The following POLK variants were observed in gnomAD, a reference collection of about 807,000 sequenced individuals.
POLK encodes the protein DNA polymerase kappa, also known as polymerase (DNA directed) kappa.
Under a neutral mutation model 94.0 loss-of-function variants are expected in POLK, and 76 were observed. The observed-to-expected ratio is 0.81, with a 90% CI of 0.67 to 0.98. The LOEUF is 0.98. Ranked by LOEUF, POLK falls within the 50% of genes least tolerant of loss-of-function variation. The pLI is 0.00. For synonymous variants in POLK, 349 were observed against 325.4 expected (o/e 1.07, Z -0.78); for missense variants, 954 against 1,010.1 (o/e 0.94, Z 0.75).
chr5:75,510,939 C>T (rs1429601847), upstream of POLK, among the ~76,000 whole-genome samples: 3 of 152,168 alleles, frequency 2.0e-5, no homozygotes, highest in African/African-American at 7.2e-5. Context: ...AGCCCCCGGG[C>T]AACAAGGACA....
At chr5:75,568,057 A>G (rs1771375127) in intron 3 of POLK, among the ~76,000 whole-genome samples, 2 of 152,236 alleles carry the variant, frequency 1.3e-5, no homozygotes, top group Admixed American at 6.5e-5. Context: ...CTGGAGTACA[A>G]CATGAGGGAA....
exon 11 of POLK, chr5:75,590,435 C>G: frequency 1.3e-6 from 2 of 1,586,494 alleles, no homozygotes; most frequent in Non-Finnish European, 1.7e-6. Context: ...GAAAGAAAGA[C>G]TTAAGGTGCT....
chr5:75,555,546 G>A (rs1403625471), intron 3 of POLK, among the ~76,000 whole-genome samples: 1 of 150,842 alleles, frequency 6.6e-6, no homozygotes, highest in East Asian at 1.9e-4. Context: ...GTGTACCACA[G>A]ACAATTTTTT....
Position 75,587,075 on chromosome 5 carries a change from T to G in POLK, c.1259+17T>G. On this transcript the variant is annotated intron_variant, in intron 10 of 14. Transcript: ENST00000241436. ...CGTTGAGAGGTAATGTTTTATTATTTATTGTTAATTGTGCATAATTCATGT... is the reference window on the plus strand; with the variant it reads ...CGTTGAGAGGTAATGTTTTATTATTGATTGTTAATTGTGCATAATTCATGT... 7.4e-7 allele frequency: 1 copy of G among 1,357,626 alleles called. No individual in the cohort carries two copies. Among genetic ancestry groups the G allele is most frequent in the Non-Finnish European group, 1.0e-6 (1 of 960,088 alleles). The allele number at this position is 1,357,626 out of a possible 1,614,324, so 84.1% of individuals were successfully genotyped here.
intron 1 of POLK, among the ~76,000 whole-genome samples, chr5:75,532,583 A>G (rs904287401): frequency 1.3e-5 from 2 of 152,160 alleles, no homozygotes; most frequent in South Asian, 2.1e-4. Context: ...AACGATGTAT[A>G]TTCCTTTGGA....
At chr5:75,569,340 G>A (rs1230101077) in exon 4 of POLK, 2 of 1,602,938 alleles carry the variant, frequency 1.2e-6, no homozygotes, top group Non-Finnish European at 1.7e-6. Flanking sequence ...AAAAATTAAG[G>A]TTGACAGATT....
At chr5:75,511,654 C>A, upstream of POLK, 1 of 1,512,604 alleles carries the variant, frequency 6.6e-7, no homozygotes, top group Non-Finnish European at 8.9e-7. Flanking sequence ...TGTCCTTTCC[C>A]CTCCCCTTCG....
rs746626050 is a variant in POLK, at chr5:75,594,047, TG to T, written c.1528+1del. On this transcript the variant is annotated frameshift_variant and splice_region_variant, in exon 12 of 15. Coordinates refer to ENST00000241436, the Ensembl canonical transcript of POLK. LOFTEE classifies it high-confidence loss of function. ...CCACATCCCTTGAGATTAAGGCTTA[TG>T]GGTATGACTTTTTCATTTTTTTGTT... 1 of 1,554,016 alleles carries T rather than the reference TG, an allele frequency of 6.4e-7. No homozygotes were observed. The highest frequency in any genetic ancestry group is 8.7e-7 in the Non-Finnish European group (1 of 1,150,532).
chr5:75,604,569 A>C (rs920899347), downstream of POLK, among the ~76,000 whole-genome samples: 1 of 152,044 alleles, frequency 6.6e-6, no homozygotes, highest in Non-Finnish European at 1.5e-5. Context: ...TTGAGATAGG[A>C]TCTTGCTATG....
At chr5:75,603,462 A>G (rs1251336934), downstream of POLK, among the ~76,000 whole-genome samples, 1 of 151,982 alleles carries the variant, frequency 6.6e-6, no homozygotes, top group Non-Finnish European at 1.5e-5. Context: ...AAAAGCTCTC[A>G]ACTGTCTCCA....
At chr5:75,513,247 T>A (rs1184597821) in intron 1 of POLK, among the ~76,000 whole-genome samples, 1 of 152,196 alleles carries the variant, frequency 6.6e-6, no homozygotes. Flanking sequence ...TATTGATGAG[T>A]TCTTTTACTA....
chr5:75,510,802 C>T (rs1767922881), upstream of POLK, among the ~76,000 whole-genome samples: 1 of 152,134 alleles, frequency 6.6e-6, no homozygotes, highest in Non-Finnish European at 1.5e-5. Context: ...ACCGCTGAAG[C>T]CCAACCCGGA....
chr5:75,602,569 A>C (rs1773318124), downstream of POLK, among the ~76,000 whole-genome samples: 1 of 152,198 alleles, frequency 6.6e-6, no homozygotes, highest in Admixed American at 6.5e-5. Flanking sequence ...TAAAATATAA[A>C]AAAGAAAGAT....
At chr5:75,536,256 T>C (rs1769440059) in intron 1 of POLK, among the ~76,000 whole-genome samples, 1 of 152,152 alleles carries the variant, frequency 6.6e-6, no homozygotes, top group African/African-American at 2.4e-5. Context: ...CTACATTTTT[T>C]GGGGGGTGTT....
chr5:75,525,263 G>C (rs1229037687), intron 1 of POLK, among the ~76,000 whole-genome samples: 1 of 152,040 alleles, frequency 6.6e-6, no homozygotes, highest in East Asian at 1.9e-4. Flanking sequence ...TGTGCTTAAC[G>C]AAGTAAAGAA....
Position 75,596,928 on chromosome 5 carries a change from TTCTTC to T in POLK, c.2237_2241del (p.Ser746TyrfsTer13). The T allele has an allele frequency of 6.2e-7, 1 of 1,613,472 alleles. No individual in the cohort carries two copies. Among genetic ancestry groups the T allele is most frequent in the Non-Finnish European group, 8.5e-7 (1 of 1,179,580 alleles). ...ATATTGAACACTGTCATCAGAATTC[TTCTTC>T]TACTGTTTCATTGGAAAACGAAGAT... On this transcript the variant is annotated frameshift_variant, in exon 13 of 15. Transcript: ENST00000241436. LOFTEE classifies it high-confidence loss of function.
intron 11 of POLK, 119 bp from the exon 12 acceptor site, chr5:75,593,759 C>A: frequency 1.9e-6 from 1 of 526,628 alleles, no homozygotes; most frequent in Non-Finnish European, 3.3e-6. Context: ...AAGAGGATTG[C>A]TTGAACCCAG....
At chr5:75,554,600 C>G (rs1441587795) in intron 3 of POLK, among the ~76,000 whole-genome samples, 3 of 151,928 alleles carry the variant, frequency 2.0e-5, no homozygotes, top group Admixed American at 2.0e-4. Context: ...TTTTGTCACC[C>G]AGGCATTAAG....
intron 1 of POLK, among the ~76,000 whole-genome samples, chr5:75,533,181 T>C (rs980311358): frequency 6.6e-6 from 1 of 152,232 alleles, no homozygotes; most frequent in African/African-American, 2.4e-5. Flanking sequence ...CAGAATGTTA[T>C]TTCCTAGGTT....
Sources: gnomAD v4.1 joint callset for allele counts (sites outside exome capture counted in the v4.1 genomes callset) on GRCh38, gnomAD v4.1.1 for gene constraint, MANE v1.5 for transcripts, NCBI Gene and HGNC (gene_info 2026-07-23, HGNC 2026-07-21) for gene names.